The following CADPS variants were observed in gnomAD, a reference collection of about 807,000 sequenced individuals.
CADPS encodes calcium-dependent secretion activator 1.
CADPS carries 57 observed loss-of-function variants against 167.3 expected under a neutral mutation model. The ratio of observed to expected loss-of-function variants is 0.34; its 90% CI spans 0.28 to 0.42. CADPS has a LOEUF of 0.42. Among genes scored for constraint, CADPS ranks in the 20% least tolerant of loss-of-function variants. The pLI, the probability that CADPS is intolerant of heterozygous loss-of-function variation, is 1.00. For missense variants in CADPS, 1,414 were observed against 1,738.1 expected, an observed-to-expected ratio of 0.81 and a Z score of 3.32; for synonymous variants, 676 against 635.3, an observed-to-expected ratio of 1.06 and a Z score of -0.96.
intron 6 of CADPS, among the ~76,000 whole-genome samples, chr3:62,617,941 G>C (rs1221101236): frequency 1.3e-5 from 2 of 152,060 alleles, no homozygotes; most frequent in Non-Finnish European, 1.5e-5. Context: ...ATTCTTCTTT[G>C]GGACTACCTC....
At chr3:62,584,297 G>A (rs1027262734) in intron 8 of CADPS, among the ~76,000 whole-genome samples, 2 of 152,122 alleles carry the variant, frequency 1.3e-5, no homozygotes, top group African/African-American at 4.8e-5. Flanking sequence ...ATGAGCCACT[G>A]TGCCCAGCCG....
At chr3:62,461,784 C>T (rs576360294) in intron 26 of CADPS, among the ~76,000 whole-genome samples, 1 of 152,052 alleles carries the variant, frequency 6.6e-6, no homozygotes. Context: ...CAGTTTATGT[C>T]CTGTGGAAAT....
At chr3:62,418,695 G>A (rs1251961560) in intron 28 of CADPS, among the ~76,000 whole-genome samples, 4 of 151,732 alleles carry the variant, frequency 2.6e-5, no homozygotes. Flanking sequence ...CAACTTAAAT[G>A]AAGAGCAAGG....
At chr3:62,855,091 ATTTTTT>A (rs554197608) in intron 1 of CADPS, among the ~76,000 whole-genome samples, 6 of 92,710 alleles carry the variant, frequency 6.5e-5, no homozygotes, top group African/African-American at 1.8e-4. Context: ...TGCCCGGCTA[ATTTTTT>A]TTTTTTTTTT....
intron 3 of CADPS, among the ~76,000 whole-genome samples, chr3:62,721,118 GTTTT>G (rs67868132): frequency 4.2e-5 from 5 of 120,372 alleles, no homozygotes; most frequent in East Asian, 2.1e-4. Flanking sequence ...TGCCCGGCAG[GTTTT>G]TTTTTTTTTT....
intron 1 of CADPS, among the ~76,000 whole-genome samples, chr3:62,873,496 A>C (rs2083013509): frequency 6.6e-6 from 1 of 151,160 alleles, no homozygotes; most frequent in African/African-American, 2.4e-5. Context: ...TTCTTCACTA[A>C]CTCACTCCAG....
chr3:62,543,096 G>C (rs2075962367), intron 11 of CADPS, among the ~76,000 whole-genome samples: 1 of 152,114 alleles, frequency 6.6e-6, no homozygotes, highest in Non-Finnish European at 1.5e-5. Context: ...GGTCTGTTTA[G>C]ATCAAATCAT....
chr3:62,502,373 C>T (rs568805423), intron 17 of CADPS, among the ~76,000 whole-genome samples: 47 of 151,874 alleles, frequency 3.1e-4, no homozygotes, highest in Non-Finnish European at 5.7e-4. Flanking sequence ...CCCAAGCTTG[C>T]GCTAGCTGGA....
chr3:62,543,435 C>G (rs759518764), intron 11 of CADPS, among the ~76,000 whole-genome samples: 2 of 152,076 alleles, frequency 1.3e-5, no homozygotes, highest in Non-Finnish European at 2.9e-5. Flanking sequence ...ACTATTCATC[C>G]ATCCTTTCTT....
chr3:62,649,798 C>T (rs1376593186), intron 5 of CADPS, among the ~76,000 whole-genome samples: 2 of 151,920 alleles, frequency 1.3e-5, no homozygotes, highest in African/African-American at 2.4e-5. Context: ...GCAATCCTCC[C>T]ACCTCAGCCT....
At chr3:62,837,130 A>G (rs1010784450) in intron 1 of CADPS, among the ~76,000 whole-genome samples, 2 of 152,210 alleles carry the variant, frequency 1.3e-5, no homozygotes, top group Non-Finnish European at 2.9e-5. Context: ...CTTCTATCAC[A>G]TTCTATGTGC....
intron 28 of CADPS, among the ~76,000 whole-genome samples, chr3:62,410,268 C>T (rs1454070160): frequency 6.6e-6 from 1 of 152,150 alleles, no homozygotes; most frequent in African/African-American, 2.4e-5. Flanking sequence ...AGTTGAAATC[C>T]ACTAGGAACT....
Position 62,667,037 on chromosome 3 carries a change from GT to G in CADPS, c.889-4644del, listed in dbSNP as rs35606285. ...GTCAGACCGACTTGGTTCCAATCTT[GT>G]TTTTTTTTTTTTTTTTGCCATTTCC... On this transcript the variant is annotated intron_variant, in intron 3 of 29. Transcript: ENST00000383710. Among the ~76,000 whole-genome samples the G allele has an allele frequency of 5.4e-4, 72 of 133,676 alleles. No homozygotes were observed. The Middle Eastern group carries it at 0.023, about 44-fold the overall frequency. The allele number at this position is 133,676 out of a possible 152,430, so 87.7% of individuals were successfully genotyped here.
intron 3 of CADPS, among the ~76,000 whole-genome samples, chr3:62,720,078 T>G (rs922735504): frequency 6.6e-6 from 1 of 152,046 alleles, no homozygotes; most frequent in Non-Finnish European, 1.5e-5. Flanking sequence ...AATAAACACT[T>G]CTCTTTTAAG....
intron 2 of CADPS, among the ~76,000 whole-genome samples, chr3:62,755,550 T>G (rs892348563): frequency 2.6e-5 from 4 of 152,192 alleles, no homozygotes; most frequent in Non-Finnish European, 5.9e-5. Context: ...CAGCACTGCC[T>G]GGGGGCATCT....
intron 7 of CADPS, among the ~76,000 whole-genome samples, chr3:62,590,191 G>GAA (rs3074310): frequency 0.012 from 1,667 of 141,498 alleles, 30 homozygotes; most frequent in African/African-American, 0.04. Context: ...TCCAGCTAAA[G>GAA]AAAAAAAAAA....
At chr3:62,673,245 T>G (rs924648246) in intron 3 of CADPS, among the ~76,000 whole-genome samples, 2 of 152,332 alleles carry the variant, frequency 1.3e-5, no homozygotes, top group South Asian at 2.1e-4. Context: ...AGGGATGTTT[T>G]GAGGAGTTAA....
In CADPS at chr3:62,491,668, C is replaced by G. The variant is rs183150787; in HGVS notation, c.2885-188G>C. Among the ~76,000 whole-genome samples the G allele has an allele frequency of 1.7e-3, 257 of 152,022 alleles. 4 individuals are homozygous for G. The highest frequency in any genetic ancestry group is 1.5e-3 in the Non-Finnish European group (99 of 67,976). ...GAGAAGGAAAAAAGTACATAAAAAGCATTGAAATGGAATTCAAAAACACTT... is the reference window on the plus strand; with the variant it reads ...GAGAAGGAAAAAAGTACATAAAAAGGATTGAAATGGAATTCAAAAACACTT... On this transcript the variant is annotated intron_variant, in intron 20 of 29. Transcript: ENST00000383710.
chr3:62,765,088 C>T (rs1326779347), intron 2 of CADPS, among the ~76,000 whole-genome samples: 4 of 152,138 alleles, frequency 2.6e-5, no homozygotes, highest in African/African-American at 9.7e-5. Flanking sequence ...TAAAATGTCA[C>T]TCAGTGACCA....
Sources: gnomAD v4.1 joint callset for allele counts (sites outside exome capture counted in the v4.1 genomes callset) on GRCh38, gnomAD v4.1.1 for gene constraint, MANE v1.5 for transcripts, NCBI Gene and HGNC (gene_info 2026-07-23, HGNC 2026-07-21) for gene names.